Variants in DCC observed in about 807,000 individuals in gnomAD.
DCC encodes netrin receptor DCC.
A neutral mutation model predicts 172.5 loss-of-function variants in DCC; 58 were observed. That is an observed-to-expected ratio of 0.34 (90% CI 0.27 to 0.42). The LOEUF is 0.42. DCC is among the 10% of genes least tolerant of loss of function. The pLI is 1.00. For missense variants in DCC, 1,740 were observed against 1,791.0 expected, an observed-to-expected ratio of 0.97 and a Z score of 0.51; for synonymous variants, 709 against 644.5, an observed-to-expected ratio of 1.10 and a Z score of -1.52.
intron 1 of DCC, among the ~76,000 whole-genome samples, chr18:52,543,455 AT>A (rs1213492629): frequency 5.3e-5 from 8 of 152,128 alleles, no homozygotes; most frequent in Admixed American, 4.6e-4. Flanking sequence ...GAGTAGTGCA[AT>A]TTTAGAGTAA....
chr18:53,191,759 G>A (rs1011864750), intron 9 of DCC, among the ~76,000 whole-genome samples: 3 of 130,380 alleles, frequency 2.3e-5, no homozygotes, highest in Admixed American at 1.5e-4. Context: ...ATTTTACTCA[G>A]TGTTTACTCA....
At chr18:52,700,264 ACTCTTGTGCACACATGCACACACATG>A (rs2036093739) in intron 1 of DCC, among the ~76,000 whole-genome samples, 2 of 137,744 alleles carry the variant, frequency 1.5e-5, no homozygotes, top group South Asian at 2.5e-4. Flanking sequence ...GCACATCCAC[ACTCTTGTGCACACATGCACACACATG>A]CACATCCACA....
At position 52,936,311 on chromosome 18, in the gene DCC, CTGTT is replaced by C. The variant is rs923859665; in HGVS notation, c.985+10946_985+10949del. Among the ~76,000 whole-genome samples, 9 of 99,840 alleles carry C rather than the reference CTGTT, an allele frequency of 9.0e-5. 2 individuals carry two copies. The highest frequency in any genetic ancestry group is 1.9e-4 in the Admixed American group (2 of 10,732). The allele number at this position is 99,840 out of a possible 152,430, so 65.5% of individuals were successfully genotyped here. ...GAAGAAGAGACAATGTAAGTTCAGACTGTTTGTTGGTAGCAAAATGATTCGTTAT... is the reference window on the plus strand; with the variant it reads ...GAAGAAGAGACAATGTAAGTTCAGACTGTTGGTAGCAAAATGATTCGTTAT... On this transcript the variant is annotated intron_variant, in intron 5 of 28. Transcript: ENST00000442544.
chr18:53,026,663 C>G (rs546119237), intron 5 of DCC, among the ~76,000 whole-genome samples: 10 of 152,110 alleles, frequency 6.6e-5, no homozygotes, highest in Non-Finnish European at 1.3e-4. Context: ...TCAAGCGAGC[C>G]TCCTTCCTTT....
chr18:53,455,987 A>G (rs532000125), intron 23 of DCC, among the ~76,000 whole-genome samples: 4 of 152,388 alleles, frequency 2.6e-5, no homozygotes, highest in Admixed American at 2.0e-4. Context: ...ATGATGTTGA[A>G]GAAGTAAAGG....
chr18:52,789,904 C>G (rs2037727828), intron 2 of DCC, among the ~76,000 whole-genome samples: 1 of 152,176 alleles, frequency 6.6e-6, no homozygotes, highest in Non-Finnish European at 1.5e-5. Context: ...GACCAAGAAA[C>G]TAGCCACAAG....
chr18:53,351,434 ATATACAGTG>A (rs1157360162), intron 15 of DCC, among the ~76,000 whole-genome samples: 2 of 72,988 alleles, frequency 2.7e-5, no homozygotes, highest in African/African-American at 6.5e-5. Flanking sequence ...GTGTATATAT[ATATACAGTG>A]TATATATATA....
At chr18:53,187,935 C>T (rs1265754593) in intron 9 of DCC, among the ~76,000 whole-genome samples, 1 of 152,128 alleles carries the variant, frequency 6.6e-6, no homozygotes, top group Admixed American at 6.6e-5. Context: ...AAAGTCAAAG[C>T]TGAGATGGTG....
At chr18:52,852,355 A>C (rs2038988066) in intron 2 of DCC, among the ~76,000 whole-genome samples, 1 of 152,156 alleles carries the variant, frequency 6.6e-6, no homozygotes, top group South Asian at 2.1e-4. Flanking sequence ...TTTACTTTAA[A>C]AAGATGAGAT....
intron 2 of DCC, among the ~76,000 whole-genome samples, chr18:52,903,275 A>G (rs1314192832): frequency 6.6e-6 from 1 of 152,174 alleles, no homozygotes; most frequent in Non-Finnish European, 1.5e-5. Flanking sequence ...GCACAGTCTT[A>G]GCTCACTGCA....
At position 53,402,898 on chromosome 18, in the gene DCC, G is replaced by T; in HGVS notation, c.2935+5G>T. ...AAGCCAATGGGAAAATTACTGGTAA[G>T]CATCTCCACTTTCTCTCCCAGCATA... On this transcript the variant is annotated splice_donor_5th_base_variant and intron_variant, in intron 19 of 28. Coordinates refer to ENST00000442544, the MANE Select transcript of DCC (RefSeq NM_005215.4). The T allele has an allele frequency of 6.3e-7, 1 of 1,594,608 alleles. No homozygotes were observed. The highest frequency in any genetic ancestry group is 8.6e-7 in the Non-Finnish European group (1 of 1,162,260).
At chr18:53,179,160 T>G in intron 9 of DCC, 44 bp downstream of exon 9, 1 of 1,576,936 alleles carries the variant, frequency 6.3e-7, no homozygotes, top group Non-Finnish European at 8.7e-7. Context: ...AGTATTTATT[T>G]TCCTCTGCAA....
At chr18:53,236,580 G>A (rs2056206055) in intron 12 of DCC, among the ~76,000 whole-genome samples, 1 of 151,976 alleles carries the variant, frequency 6.6e-6, no homozygotes, top group African/African-American at 2.4e-5. Flanking sequence ...TTTTAATGCT[G>A]TCTTTTGATG....
intron 15 of DCC, among the ~76,000 whole-genome samples, chr18:53,366,135 C>A (rs1568085082): frequency 6.6e-6 from 1 of 152,030 alleles, no homozygotes; most frequent in Non-Finnish European, 1.5e-5. Context: ...TGGCTCACTG[C>A]AATCTCCGCC....
intron 2 of DCC, among the ~76,000 whole-genome samples, chr18:52,883,259 T>C (rs574781058): frequency 6.6e-6 from 1 of 152,054 alleles, no homozygotes; most frequent in Non-Finnish European, 1.5e-5. Context: ...TTCAATGTTA[T>C]GATTGATAAG....
At chr18:53,334,034 C>T (rs1362334976) in intron 14 of DCC, among the ~76,000 whole-genome samples, 1 of 152,162 alleles carries the variant, frequency 6.6e-6, no homozygotes, top group African/African-American at 2.4e-5. Flanking sequence ...ATGATTAAAT[C>T]TCCCTTTTCC....
chr18:52,759,872 C>A (rs1455428253), intron 2 of DCC, among the ~76,000 whole-genome samples: 1 of 151,960 alleles, frequency 6.6e-6, no homozygotes, highest in Middle Eastern at 3.2e-3. Flanking sequence ...AAATGAAGAC[C>A]CAAACCCCTA....
chr18:52,733,125 T>C (rs2036672013), intron 1 of DCC, among the ~76,000 whole-genome samples: 2 of 152,134 alleles, frequency 1.3e-5, no homozygotes, highest in South Asian at 4.1e-4. Context: ...AACTCACCAC[T>C]ATTAAGCAAA....
At chr18:53,377,526 A>G (rs1331742256) in intron 15 of DCC, among the ~76,000 whole-genome samples, 1 of 152,168 alleles carries the variant, frequency 6.6e-6, no homozygotes, top group East Asian at 1.9e-4. Flanking sequence ...CCACCTCACA[A>G]CACTCTTGCA....
Sources: allele counts gnomAD v4.1 joint callset (sites outside exome capture counted in the v4.1 genomes callset), GRCh38; gene constraint gnomAD v4.1.1; transcripts MANE v1.5; gene names NCBI Gene and HGNC (gene_info 2026-07-23, HGNC 2026-07-21).